CAP2: variants seen among roughly 807,000 people sequenced by gnomAD.
CAP2 encodes cyclase associated actin cytoskeleton regulatory protein 2.
In CAP2, 24 loss-of-function variants were observed where a neutral mutation model predicts 57.7. The ratio of observed to expected loss-of-function variants is 0.42; its 90% confidence interval spans 0.30 to 0.58. The LOEUF (loss-of-function observed/expected upper bound fraction) is 0.58. Ranked by LOEUF, CAP2 falls within the 20% of genes least tolerant of loss-of-function variation. CAP2 has a pLI of 0.22. For synonymous variants in CAP2, 194 were observed against 207.2 expected (o/e 0.94, Z 0.55); for missense variants, 501 against 590.3 (o/e 0.85, Z 1.57).
At chr6:17,537,343 T>C (rs540269475) in intron 7 of CAP2, among the ~76,000 whole-genome samples, 1 of 152,168 alleles carries the variant, frequency 6.6e-6, no homozygotes, top group South Asian at 2.1e-4. Context: ...TGCATCACCA[T>C]GCTCAGCTAA....
At chr6:17,509,096 A>G (rs906767930) in intron 6 of CAP2, among the ~76,000 whole-genome samples, 3 of 152,176 alleles carry the variant, frequency 2.0e-5, no homozygotes, top group African/African-American at 4.8e-5. Flanking sequence ...TCTGAAAATT[A>G]GAACCAGAAG....
rs1763312085 is a variant in CAP2, at chr6:17,556,259, G to A, written c.1351-100G>A. 3.7e-6 allele frequency: 3 copies of A among 812,194 alleles called. No homozygotes were observed. The East Asian group carries it at 7.5e-5, about 20-fold the overall frequency. 50.3% of individuals were successfully genotyped at this position (812,194 alleles called of 1,614,324 possible). On this transcript the variant is annotated intron_variant, in intron 12 of 12. Transcript: ENST00000229922. ...TCGATCGAATTTCTTTGCCTATCAT[G>A]TGGCACAAATCAGCCTCACCATCTG... is the stretch of plus-strand genomic sequence containing the variant.
intron 4 of CAP2, among the ~76,000 whole-genome samples, chr6:17,491,134 A>T (rs1761531843): frequency 6.6e-6 from 1 of 152,088 alleles, no homozygotes; most frequent in Admixed American, 6.5e-5. Context: ...GCACCCTTGC[A>T]TTGAACTTGA....
chr6:17,448,741 A>G (rs573060526), intron 3 of CAP2, among the ~76,000 whole-genome samples: 38 of 151,030 alleles, frequency 2.5e-4, no homozygotes, highest in African/African-American at 8.7e-4. Flanking sequence ...GTCTCTTTCC[A>G]TGTCAATGAG....
chr6:17,417,186 CATT>C (rs1257321613), intron 1 of CAP2, among the ~76,000 whole-genome samples: 1 of 149,964 alleles, frequency 6.7e-6, no homozygotes, highest in Non-Finnish European at 1.5e-5. Context: ...GTGCACTTCT[CATT>C]ATAATGAAAC....
At chr6:17,480,358 C>T (rs766751185) in intron 4 of CAP2, among the ~76,000 whole-genome samples, 3 of 152,164 alleles carry the variant, frequency 2.0e-5, no homozygotes, top group Non-Finnish European at 4.4e-5. Flanking sequence ...TCTTCCTAAT[C>T]TGTATATTTT....
chr6:17,481,452 A>AAT (rs11422531), intron 4 of CAP2, among the ~76,000 whole-genome samples: 4 of 152,070 alleles, frequency 2.6e-5, no homozygotes, highest in South Asian at 4.1e-4. Context: ...AACAAAAAAA[A>AAT]CTTTTGTTCA....
chr6:17,410,617 G>A (rs929703684), intron 1 of CAP2, among the ~76,000 whole-genome samples: 13 of 151,658 alleles, frequency 8.6e-5, no homozygotes, highest in African/African-American at 3.2e-4. Flanking sequence ...GAGTGCAGTG[G>A]CATGATCTCG....
intron 4 of CAP2, among the ~76,000 whole-genome samples, chr6:17,483,465 G>A (rs752725080): frequency 6.6e-6 from 1 of 152,144 alleles, no homozygotes; most frequent in South Asian, 2.1e-4. Context: ...TGTGCATTTG[G>A]TCACACTCCA....
rs564407506 is a variant in CAP2, at chr6:17,455,510, A to G, written c.223-7486A>G. Among the ~76,000 whole-genome samples the G allele has an allele frequency of 1.6e-3, 249 of 151,806 alleles. 1 individual carries two copies. Among genetic ancestry groups the G allele is most frequent in the African/African-American group, 5.7e-3 (237 of 41,394 alleles). On this transcript the variant is annotated intron_variant, in intron 3 of 12. Transcript: ENST00000229922. ...ACCCGCTTGGCCCTCTTCCAAGTGT[A>G]CTTTACCTCCTTTCATTCCTGCTCT...
chr6:17,480,131 C>A (rs568414593), intron 4 of CAP2, among the ~76,000 whole-genome samples: 2 of 152,138 alleles, frequency 1.3e-5, no homozygotes, highest in African/African-American at 2.4e-5. Context: ...GAAAACAAAG[C>A]AAATCAGGAA....
intron 2 of CAP2, among the ~76,000 whole-genome samples, chr6:17,424,186 G>A (rs1440007302): frequency 6.6e-6 from 1 of 152,146 alleles, no homozygotes; most frequent in Non-Finnish European, 1.5e-5. Flanking sequence ...CGATCACGAG[G>A]TCAGGAGATC....
chr6:17,491,822 A>G (rs1761548463), intron 4 of CAP2, among the ~76,000 whole-genome samples: 2 of 152,218 alleles, frequency 1.3e-5, no homozygotes, highest in African/African-American at 4.8e-5. Flanking sequence ...TACATAATAT[A>G]TAGAATACAA....
chr6:17,528,967 G>A (rs59132569), intron 7 of CAP2, among the ~76,000 whole-genome samples: 16,415 of 151,692 alleles, frequency 0.11, 1,045 homozygotes, highest in South Asian at 0.16. Flanking sequence ...TGTAATCCCA[G>A]CACTTTGGGA....
chr6:17,439,667 G>C (rs146400517), intron 3 of CAP2, among the ~76,000 whole-genome samples: 2 of 151,488 alleles, frequency 1.3e-5, no homozygotes, highest in South Asian at 4.2e-4. Flanking sequence ...TTATATTCTC[G>C]TAAGGAGCAC....
intron 1 of CAP2, among the ~76,000 whole-genome samples, chr6:17,405,547 C>T (rs1372344806): frequency 6.6e-6 from 1 of 150,918 alleles, no homozygotes; most frequent in Non-Finnish European, 1.5e-5. Flanking sequence ...TCTTATTGTA[C>T]TGTGCTCACC....
intron 4 of CAP2, among the ~76,000 whole-genome samples, chr6:17,500,340 AATATATATATATATAT>A (rs4052821): frequency 0.022 from 730 of 33,080 alleles, 65 homozygotes; most frequent in African/African-American, 0.049. Flanking sequence ...TGTGTGTCCA[AATATATATATATATAT>A]ATATATATAT....
intron 3 of CAP2, among the ~76,000 whole-genome samples, chr6:17,458,772 A>AGAGAGAG: frequency 6.6e-6 from 1 of 152,262 alleles, no homozygotes; most frequent in East Asian, 1.9e-4. Context: ...AACTGCCCAT[A>AGAGAGAG]AACAGATGTG....
chr6:17,520,427 C>T (rs1411911237), intron 7 of CAP2, among the ~76,000 whole-genome samples: 1 of 152,078 alleles, frequency 6.6e-6, no homozygotes, highest in East Asian at 1.9e-4. Context: ...CAATGTAATT[C>T]TTAATAATAC....
Sources: allele counts gnomAD v4.1 joint callset (sites outside exome capture counted in the v4.1 genomes callset), GRCh38; gene constraint gnomAD v4.1.1; transcripts MANE v1.5; gene names NCBI Gene and HGNC (gene_info 2026-07-23, HGNC 2026-07-21).